CPA3: variants seen among roughly 807,000 people sequenced by gnomAD.
The protein encoded by CPA3 is mast cell carboxypeptidase A.
Under a neutral mutation model 55.8 loss-of-function variants are expected in CPA3, and 52 were observed. The ratio of observed to expected loss-of-function variants is 0.93; its 90% confidence interval spans 0.75 to 1.17. The LOEUF (loss-of-function observed/expected upper bound fraction) is 1.17, where lower values mean the gene tolerates loss of function less well. CPA3 is among the 50% of genes most tolerant of loss of function. The probability of loss-of-function intolerance (pLI) is 0.00; values close to 1 mark genes in which losing one functional copy is unlikely to be tolerated. For synonymous variants in CPA3, 179 were observed against 171.2 expected (o/e 1.05, Z -0.36); for missense variants, 547 against 509.1 (o/e 1.07, Z -0.72).
At chr3:148,868,210 T>C (rs1713959932) in intron 2 of CPA3, among the ~76,000 whole-genome samples, 1 of 152,144 alleles carries the variant, frequency 6.6e-6, no homozygotes, top group South Asian at 2.1e-4. Context: ...TATTTTGATC[T>C]GAATGCTATA....
chr3:148,896,789 A>G lies in CPA3; in HGVS notation c.*82A>G. ...AAAGTCAATCTTCAGTTATCCCCAA[A>G]TGCAGCTTCTATTTCACCTGAATCC... On this transcript the variant is annotated 3_prime_UTR_variant, in exon 11 of 11. Coordinates refer to ENST00000296046, the MANE Select transcript of CPA3 (RefSeq NM_001870.4). The G allele has an allele frequency of 8.7e-7, 1 of 1,155,592 alleles. No homozygotes were observed. The highest frequency in any genetic ancestry group is 2.4e-5 in the South Asian group (1 of 41,640). The allele number at this position is 1,155,592 out of a possible 1,614,324, so 71.6% of individuals were successfully genotyped here.
chr3:148,879,842 G>T lies in CPA3; in HGVS notation c.529G>T (p.Ala177Ser), dbSNP rs192487183. The stretch of plus-strand genomic sequence containing the variant: ...TATTTTTACGGATTGTGGCATTCAC[G>T]CACGAGAATGGGTCTCCCCAGCATT... ...KAIFTDCGIH[A>S]REWVSPAFCQ... The change falls in exon 6 of 11, where the codon GCA becomes TCA. Residue 177 changes from alanine (A) to serine (S), a missense_variant. Transcript: ENST00000296046. The T allele has an allele frequency of 6.2e-7, 1 of 1,612,626 alleles. No homozygotes were observed. The highest frequency in any genetic ancestry group is 8.5e-7 in the Non-Finnish European group (1 of 1,178,854).
At position 148,897,142 on chromosome 3, in the gene CPA3, C is replaced by T. The variant is rs892245790; in HGVS notation, c.*435C>T. The T allele has an allele frequency of 6.5e-6, 1 of 152,718 alleles. No individual in the cohort carries two copies. The highest frequency in any genetic ancestry group is 2.1e-4 in the South Asian group (1 of 4,838). 9.5% of individuals were successfully genotyped at this position (152,718 alleles called of 1,614,324 possible). On this transcript the variant is annotated 3_prime_UTR_variant, in exon 11 of 11. Transcript: ENST00000296046. ...TGTATTTCTCTATAGCATTAATAATCAATATTAATGCCATTCATTCAGTCT... is the reference window on the plus strand; with the variant it reads ...TGTATTTCTCTATAGCATTAATAATTAATATTAATGCCATTCATTCAGTCT...
At chr3:148,891,756 GC>G (rs1242364320) in intron 10 of CPA3, among the ~76,000 whole-genome samples, 1 of 152,076 alleles carries the variant, frequency 6.6e-6, no homozygotes, top group Non-Finnish European at 1.5e-5. Context: ...GAATAGCCAT[GC>G]CCTTTAACCC....
chr3:148,866,362 A>G (rs931920114), intron 2 of CPA3, among the ~76,000 whole-genome samples: 2 of 152,174 alleles, frequency 1.3e-5, no homozygotes, highest in Non-Finnish European at 2.9e-5. Flanking sequence ...TGCCAAGTTC[A>G]TGTTCACTCT....
chr3:148,882,171 T>C (rs1463546024), intron 7 of CPA3, among the ~76,000 whole-genome samples: 1 of 152,194 alleles, frequency 6.6e-6, no homozygotes, highest in Non-Finnish European at 1.5e-5. Flanking sequence ...TCTGAATCTA[T>C]ATATGGTGAA....
intron 10 of CPA3, 73 bp from the exon 11 acceptor site, chr3:148,896,447 C>G: frequency 7.9e-7 from 1 of 1,258,218 alleles, no homozygotes; most frequent in Non-Finnish European, 1.1e-6. Context: ...GCTAATTATA[C>G]ACCACTGATT....
Position 148,896,579 on chromosome 3 carries a change from G to T in CPA3, c.1126G>T (p.Ala376Ser). The change falls in exon 11 of 11, where the codon GCC becomes TCC. Residue 376 changes from alanine (A) to serine (S), a missense_variant. Physicochemically the swap from Ala to Ser is moderately conservative, Grantham distance 99 (BLOSUM62 1). Coordinates refer to ENST00000296046, the MANE Select transcript of CPA3 (RefSeq NM_001870.4). ...TGACCTGGGCATCAAACACACATTT[G>T]CCTTTGAGCTCCGAGATAAAGGCAA... is the stretch of plus-strand genomic sequence containing the variant. The part of the protein sequence containing the change: ...AYDLGIKHTF[A>S]FELRDKGKFG... 6.3e-7 allele frequency: 1 copy of T among 1,580,314 alleles called. No individual in the cohort carries two copies. Among genetic ancestry groups the T allele is most frequent in the Non-Finnish European group, 8.7e-7 (1 of 1,154,482 alleles).
intron 3 of CPA3, among the ~76,000 whole-genome samples, chr3:148,871,470 G>T (rs1286191203): frequency 6.6e-6 from 1 of 152,174 alleles, no homozygotes; most frequent in Non-Finnish European, 1.5e-5. Flanking sequence ...ATGAATAGTG[G>T]AGTAAATCAC....
At chr3:148,871,228 T>C (rs2108029837) in intron 3 of CPA3, among the ~76,000 whole-genome samples, 1 of 152,322 alleles carries the variant, frequency 6.6e-6, no homozygotes, top group East Asian at 1.9e-4. Context: ...CCTAAATTAT[T>C]ACACTCTTCA....
intron 7 of CPA3, among the ~76,000 whole-genome samples, 178 bp from the exon 8 acceptor site, chr3:148,882,327 C>G (rs901865322): frequency 6.6e-6 from 1 of 152,064 alleles, no homozygotes; most frequent in African/African-American, 2.4e-5. Flanking sequence ...AACCATGATT[C>G]TGAAAATACT....
rs141391874 is a variant in CPA3, at chr3:148,882,564, C to G, written c.747C>G (p.Asp249Glu). 1 of 1,613,684 alleles carries G rather than the reference C, an allele frequency of 6.2e-7. No homozygotes were observed. The highest frequency in any genetic ancestry group is 1.3e-5 in the African/African-American group (1 of 75,012). ...KNQNSKCIGT[D>E]LNRNFNASWN... ...AAAACTCCAAATGCATCGGCACTGA[C>G]CTCAACAGGAATTTTAATGCTTCAT... The change falls in exon 8 of 11, where the codon GAC (aspartate) becomes GAG (glutamate). Residue 249 changes from aspartate (D) to glutamate (E), a missense_variant. Coordinates refer to ENST00000296046, the MANE Select transcript of CPA3 (RefSeq NM_001870.4).
chr3:148,865,444 CT>C lies in CPA3; in HGVS notation c.69-18del, dbSNP rs112769670. On this transcript the variant is annotated intron_variant, in intron 1 of 10. Transcript: ENST00000296046. Reference sequence around the variant, plus strand: ...TTAAAGGTTGTTTCCTTACAGTTCACTTTTTTTTTTTCATTTGCCTCCACAA... The same window carrying C: ...TTAAAGGTTGTTTCCTTACAGTTCACTTTTTTTTTTCATTTGCCTCCACAA... The C allele has an allele frequency of 8.9e-3, 10,823 of 1,213,472 alleles. 101 individuals are homozygous for C. The highest frequency in any genetic ancestry group is 0.061 in the African/African-American group (4,013 of 65,626). 75.2% of individuals were successfully genotyped at this position (1,213,472 alleles called of 1,614,324 possible).
intron 10 of CPA3, among the ~76,000 whole-genome samples, chr3:148,886,924 C>T (rs533109178): frequency 2.6e-5 from 4 of 152,204 alleles, no homozygotes; most frequent in South Asian, 2.1e-4. Flanking sequence ...TATGTTCAGC[C>T]GAAATCTGTA....
In CPA3 at chr3:148,879,775, T is replaced by C; in HGVS notation, c.475-13T>C. The C allele has an allele frequency of 1.3e-6, 2 of 1,557,250 alleles. No homozygotes were observed. The highest frequency in any genetic ancestry group is 1.8e-6 in the Non-Finnish European group (2 of 1,128,560). ...TTTGTTCAAAACAATATCTCAAGTT[T>C]ACTTTTAAATAGATTGGGGAAAAGA... is the stretch of plus-strand genomic sequence containing the variant. On this transcript the variant is annotated splice_polypyrimidine_tract_variant and intron_variant, in intron 5 of 10. Transcript: ENST00000296046.
At position 148,881,544 on chromosome 3, in the gene CPA3, A is replaced by G. The variant is rs1228959294; in HGVS notation, c.599A>G (p.Asn200Ser). The change falls in exon 7 of 11, where the codon AAC becomes AGC. Residue 200 changes from asparagine (N) to serine (S), a missense_variant. Coordinates refer to ENST00000296046, the MANE Select transcript of CPA3 (RefSeq NM_001870.4). Reference protein sequence around the residue: ...VYQATKTYGRNKIMTKLLDRM... With the variant: ...VYQATKTYGRSKIMTKLLDRM... ...CAGGCAACCAAAACTTATGGGAGAA[A>G]CAAAATTATGACCAAACTCTTGGAC... is the stretch of plus-strand genomic sequence containing the variant. The G allele has an allele frequency of 2.5e-6, 4 of 1,612,282 alleles. No homozygotes were observed. Among genetic ancestry groups the G allele is most frequent in the African/African-American group, 2.7e-5 (2 of 74,872 alleles).
chr3:148,865,572 A>T, intron 2 of CPA3, 24 bp downstream of exon 2: 2 of 1,591,742 alleles, frequency 1.3e-6, no homozygotes, highest in African/African-American at 1.3e-5. Context: ...GGGATATTTT[A>T]TCTTTTCTTA....
chr3:148,873,379 A>ACG (rs1189737060), intron 3 of CPA3, among the ~76,000 whole-genome samples: 2 of 142,412 alleles, frequency 1.4e-5, no homozygotes, highest in East Asian at 2.0e-4. Context: ...GCACACGCGC[A>ACG]CACACACACA....
chr3:148,874,886 G>T (rs150564701), intron 3 of CPA3, among the ~76,000 whole-genome samples: 102 of 152,262 alleles, frequency 6.7e-4, no homozygotes, highest in African/African-American at 2.1e-3. Flanking sequence ...ACTGTAAAAT[G>T]GTTGTCGATT....
Sources: allele counts gnomAD v4.1 joint callset (sites outside exome capture counted in the v4.1 genomes callset), GRCh38; gene constraint gnomAD v4.1.1; transcripts MANE v1.5; gene names NCBI Gene and HGNC (gene_info 2026-07-23, HGNC 2026-07-21).